Variants in GPRIN2 observed in about 807,000 individuals in gnomAD.
The protein encoded by GPRIN2 is G protein-regulated inducer of neurite outgrowth 2.
Under a neutral mutation model 0.3 loss-of-function variants are expected in GPRIN2, and 1 was observed. The observed-to-expected ratio is 3.90, with a 90% confidence interval of 1.39 to 18.51. The LOEUF (loss-of-function observed/expected upper bound fraction) is 18.51, where lower values mean the gene tolerates loss of function less well. Ranked by LOEUF, GPRIN2 falls within the 30% of genes most tolerant of loss-of-function variation. The probability of loss-of-function intolerance (pLI) is 0.11; values close to 1 mark genes in which losing one functional copy is unlikely to be tolerated. For missense variants in GPRIN2, 880 were observed against 604.2 expected, an observed-to-expected ratio of 1.46 and a Z score of -4.79; for synonymous variants, 361 against 258.6, an observed-to-expected ratio of 1.40 and a Z score of -3.80.
chr10:46,550,448 T>G lies in GPRIN2; in HGVS notation c.289A>C (p.Asn97His). Residue 97 changes from asparagine (N) to histidine (H), a missense_variant, in exon 3 of 3, where the codon AAT becomes CAT. Asn to His is a moderately conservative substitution (Grantham distance 68). Coordinates refer to ENST00000374314, the MANE Select transcript of GPRIN2 (RefSeq NM_001385282.1). ...GGHWWSSTVG[N>H]VSTMGGSDLC... ...TCACTGCCGCCCATGGTGGACACAT[T>G]GCCCACAGTGCTGCTCCACCAGTGG... The G allele has an allele frequency of 1.2e-6, 2 of 1,611,890 alleles. No homozygotes were observed. Among genetic ancestry groups the G allele is most frequent in the South Asian group, 1.1e-5 (1 of 90,980 alleles).
chr10:46,550,146 T>C lies in GPRIN2; in HGVS notation c.591A>G (p.Pro197=). 1 of 1,603,510 alleles carries C rather than the reference T, an allele frequency of 6.2e-7. No homozygotes were observed. The highest frequency in any genetic ancestry group is 8.5e-7 in the Non-Finnish European group (1 of 1,174,330). Residue 197 remains proline, a synonymous_variant, in exon 3 of 3, where the codon CCA becomes CCG. Transcript: ENST00000374314. ...CAGTTGTGTCCCCCAGGTCTAGTGG[T>C]GGCACTGACAACTGACTCGCCCCCA... The part of the protein sequence containing the change: ...WMLGASQLSV[P]PLDLGDTTAH...
At position 46,549,577 on chromosome 10, in the gene GPRIN2, T is replaced by G. The variant is rs1555017525; in HGVS notation, c.1160A>C (p.Glu387Ala). The G allele has an allele frequency of 3.1e-6, 5 of 1,614,178 alleles. No homozygotes were observed. In the East Asian group the frequency reaches 8.9e-5, roughly 29 times the overall value. The stretch of plus-strand genomic sequence containing the variant: ...TCCGTACACCTCCCATGTCATGCCC[T>G]CAGCATCCCATCGCACATCCCGCAC... ...SPVRDVRWDA[E>A]GMTWEVYGAA... The change falls in exon 3 of 3, where the codon GAG (glutamate) becomes GCG (alanine). Residue 387 changes from glutamate to alanine, a missense_variant. Glu to Ala is a moderately radical substitution (Grantham distance 107, BLOSUM62 -1). Transcript: ENST00000374314.
chr10:46,551,541 G>A (rs1842609412), intron 2 of GPRIN2: 1 of 978,212 alleles, frequency 1.0e-6, no homozygotes, highest in Non-Finnish European at 1.2e-6. Context: ...TGTAGGGCTA[G>A]GGAACATGGG....
In GPRIN2 at chr10:46,550,454, C is replaced by G. The variant is rs1316728961; in HGVS notation, c.283G>C (p.Val95Leu). The G allele has an allele frequency of 6.2e-7, 1 of 1,611,598 alleles. No individual in the cohort carries two copies. Among genetic ancestry groups the G allele is most frequent in the Non-Finnish European group, 8.5e-7 (1 of 1,179,594 alleles). The change falls in exon 3 of 3, where the codon GTG becomes CTG. Residue 95 changes from valine to leucine, a missense_variant. Coordinates refer to ENST00000374314, the MANE Select transcript of GPRIN2 (RefSeq NM_001385282.1). The stretch of plus-strand genomic sequence containing the variant: ...CCGCCCATGGTGGACACATTGCCCA[C>G]AGTGCTGCTCCACCAGTGGCCTCCA... ...SAGGHWWSST[V>L]GNVSTMGGSD... is the part of the protein sequence containing the mutation.
At chr10:46,553,744 CTG>C (rs1265071481) in intron 2 of GPRIN2, among the ~76,000 whole-genome samples, 2 of 152,310 alleles carry the variant, frequency 1.3e-5, no homozygotes, top group Admixed American at 1.3e-4. Flanking sequence ...GGTGACAAAA[CTG>C]AGGCCTGGAG....
intron 2 of GPRIN2, 122 bp from the exon 3 acceptor site, chr10:46,550,864 G>A: frequency 8.8e-7 from 1 of 1,138,734 alleles, no homozygotes; most frequent in Non-Finnish European, 1.2e-6. Flanking sequence ...CAGCCTGCCT[G>A]ACTGGTCAGA....
At position 46,547,546 on chromosome 10, in the gene GPRIN2, C is replaced by T. The variant is rs1842276412; in HGVS notation, c.*1814G>A. 1.3e-5 allele frequency among the ~76,000 whole-genome samples: 2 copies of T among 152,430 alleles called. No homozygotes were observed. Among genetic ancestry groups the T allele is most frequent in the African/African-American group, 2.4e-5 (1 of 41,610 alleles). On this transcript the variant is annotated 3_prime_UTR_variant, in exon 3 of 3. Transcript: ENST00000374314. The stretch of plus-strand genomic sequence containing the variant: ...AGGCTGTTCCATCTGCCAGGCAGGT[C>T]CTGCCCTCTCTCCACCCACCTGTCT...
chr10:46,547,821 G>T lies in GPRIN2; in HGVS notation c.*1539C>A, dbSNP rs1842304026. ...TCCCAAGGGGTGCACCTATGCATAT[G>T]GGAAAGGCATGTTTACGGGTGAGAA... On this transcript the variant is annotated 3_prime_UTR_variant, in exon 3 of 3. Transcript: ENST00000374314. 1.3e-5 allele frequency among the ~76,000 whole-genome samples: 2 copies of T among 152,422 alleles called. No homozygotes were observed. The highest frequency in any genetic ancestry group is 1.3e-4 in the Admixed American group (2 of 15,312).
chr10:46,556,340 A>T (rs1202513751), intron 1 of GPRIN2, among the ~76,000 whole-genome samples, 158 bp downstream of exon 1: 1 of 152,308 alleles, frequency 6.6e-6, no homozygotes, highest in Non-Finnish European at 1.5e-5. Flanking sequence ...GGGGAGTGCG[A>T]TGCGGCCACC....
rs1832373041 is a variant in GPRIN2 at position 46,550,424 on chromosome 10, C to T, written c.313G>A (p.Asp105Asn). Reference protein sequence around the residue: ...VGNVSTMGGSDLCRLRAPSAA... With the variant: ...VGNVSTMGGSNLCRLRAPSAA... ...CTAGGGGCCCGCAGGCGACACAGGTCACTGCCGCCCATGGTGGACACATTG... is the reference window on the plus strand; with the variant it reads ...CTAGGGGCCCGCAGGCGACACAGGTTACTGCCGCCCATGGTGGACACATTG... The change falls in exon 3 of 3, where the codon GAC becomes AAC. Residue 105 changes from aspartate to asparagine, a missense_variant. Asp to Asn is a conservative substitution (Grantham distance 23). Coordinates refer to ENST00000374314, the MANE Select transcript of GPRIN2 (RefSeq NM_001385282.1). 5.6e-5 allele frequency: 91 copies of T among 1,611,552 alleles called. No homozygotes were observed. The highest frequency in any genetic ancestry group is 7.0e-5 in the Non-Finnish European group (83 of 1,179,614).
At position 46,543,232 on chromosome 10, in the gene GPRIN2, G is replaced by A. The variant is rs1833038790; in HGVS notation, c.*6128C>T. On this transcript the variant is annotated 3_prime_UTR_variant, in exon 3 of 3. Transcript: ENST00000374314. ...ACAGCCACAGCTGGGGGCCTGGTGG[G>A]GGGAATGGCCAAGACCGCAAGAAGA... is the stretch of plus-strand genomic sequence containing the variant. 8.5e-4 allele frequency among the ~76,000 whole-genome samples: 130 copies of A among 152,370 alleles called. No individual in the cohort carries two copies. In the East Asian group the frequency reaches 0.018, roughly 21 times the overall value.
Position 46,542,385 on chromosome 10 carries a change from G to A in GPRIN2, c.*6975C>T, listed in dbSNP as rs1841828518. ...CCATGTGACAAGGGAGAGATCAGGT[G>A]GAGGTGATGGAATCGTGGGGGCGGT... On this transcript the variant is annotated 3_prime_UTR_variant, in exon 3 of 3. Coordinates refer to ENST00000374314, the MANE Select transcript of GPRIN2 (RefSeq NM_001385282.1). Among the ~76,000 whole-genome samples, 1 of 152,312 alleles carries A rather than the reference G, an allele frequency of 6.6e-6. No individual in the cohort carries two copies. The highest frequency in any genetic ancestry group is 1.5e-5 in the Non-Finnish European group (1 of 68,058).
chr10:46,541,866 G>C lies in GPRIN2; in HGVS notation c.*7494C>G, dbSNP rs1833082580. ...CCGACTTCCTGCCCAGCTGTCCTAC[G>C]GTATCCCAGGTGCCAGCCCCCTGTG... On this transcript the variant is annotated 3_prime_UTR_variant, in exon 3 of 3. Coordinates refer to ENST00000374314, the MANE Select transcript of GPRIN2 (RefSeq NM_001385282.1). 0.026 allele frequency among the ~76,000 whole-genome samples: 3,962 copies of C among 149,792 alleles called. No individual in the cohort carries two copies. Among genetic ancestry groups the C allele is most frequent in the African/African-American group, 0.095 (3,728 of 39,140 alleles).
At position 46,549,817 on chromosome 10, in the gene GPRIN2, C is replaced by A; in HGVS notation, c.920G>T (p.Gly307Val). The change falls in exon 3 of 3, where the codon GGC becomes GTC. Residue 307 changes from glycine (G) to valine (V), a missense_variant. Transcript: ENST00000374314. ...GGTCCACACATCTTTGGTCCTAGAGCCAGGCTCTGGGACTAACCCAGCGGG... is the reference window on the plus strand; with the variant it reads ...GGTCCACACATCTTTGGTCCTAGAGACAGGCTCTGGGACTAACCCAGCGGG... ...WGPAGLVPEP[G>V]SRTKDVWTMT... 6.2e-7 allele frequency: 1 copy of A among 1,614,206 alleles called. No homozygotes were observed.
intron 2 of GPRIN2, among the ~76,000 whole-genome samples, chr10:46,553,986 T>G (rs1317959786): frequency 1.3e-5 from 2 of 152,308 alleles, no homozygotes; most frequent in Non-Finnish European, 2.9e-5. Context: ...AGGGCTCTGC[T>G]TCCAATGGGG....
Position 46,549,038 on chromosome 10 carries a change from T to C in GPRIN2, c.*322A>G. The C allele has an allele frequency of 2.6e-6, 1 of 389,874 alleles. No individual in the cohort carries two copies. Among genetic ancestry groups the C allele is most frequent in the Non-Finnish European group, 4.7e-6 (1 of 212,828 alleles). 24.2% of individuals were successfully genotyped at this position (389,874 alleles called of 1,614,324 possible). ...CTGACGAGGCAACATGGCAGAGTTC[T>C]GAGGGTGGAGTGAACAAAAGGTCAT... On this transcript the variant is annotated 3_prime_UTR_variant, in exon 3 of 3. Coordinates refer to ENST00000374314, the MANE Select transcript of GPRIN2 (RefSeq NM_001385282.1).
At position 46,548,160 on chromosome 10, in the gene GPRIN2, A is replaced by G. The variant is rs1351095306; in HGVS notation, c.*1200T>C. On this transcript the variant is annotated 3_prime_UTR_variant, in exon 3 of 3. Coordinates refer to ENST00000374314, the MANE Select transcript of GPRIN2 (RefSeq NM_001385282.1). ...CACGGGATCTTAGGATCTTCAAGAC[A>G]AAGACCCAGGACAAGAACACAAGCC... 6.6e-6 allele frequency among the ~76,000 whole-genome samples: 1 copy of G among 152,308 alleles called. No individual in the cohort carries two copies.
At chr10:46,552,461 T>C (rs1180586577) in intron 2 of GPRIN2, among the ~76,000 whole-genome samples, 3 of 152,310 alleles carry the variant, frequency 2.0e-5, no homozygotes, top group Admixed American at 6.5e-5. Flanking sequence ...TGAGCAAGGC[T>C]ACCCGAGAGG....
chr10:46,552,444 G>A (rs1461938127), intron 2 of GPRIN2, among the ~76,000 whole-genome samples: 4 of 152,420 alleles, frequency 2.6e-5, no homozygotes, highest in South Asian at 4.1e-4. Flanking sequence ...CAACCTCCCC[G>A]ACCAGGTGAG....
Sources: gnomAD v4.1 joint callset for allele counts (sites outside exome capture counted in the v4.1 genomes callset) on GRCh38, gnomAD v4.1.1 for gene constraint, MANE v1.5 for transcripts, NCBI Gene and HGNC (gene_info 2026-07-23, HGNC 2026-07-21) for gene names.